The following SOX6 variants were observed in gnomAD, a reference collection of about 807,000 sequenced individuals.
The protein encoded by SOX6 is SRY-box transcription factor 6.
A neutral mutation model predicts 97.8 loss-of-function variants in SOX6; 11 were observed. That is an observed-to-expected ratio of 0.11 (90% CI 0.07 to 0.19). The LOEUF is 0.19. SOX6 is among the 10% of genes least tolerant of loss of function. SOX6 has a pLI of 1.00. For synonymous variants in SOX6, 360 were observed against 371.4 expected (o/e 0.97, Z 0.35); for missense variants, 810 against 1,039.5 (o/e 0.78, Z 3.04).
chr11:16,695,466 T>C (rs1022320998), intron 3 of SOX6, among the ~76,000 whole-genome samples: 2 of 152,142 alleles, frequency 1.3e-5, no homozygotes, highest in African/African-American at 4.8e-5. Context: ...AAAAACAGTA[T>C]TTTCAAACCC....
At chr11:16,251,044 C>T (rs1590064378) in intron 3 of SOX6, among the ~76,000 whole-genome samples, 1 of 151,978 alleles carries the variant, frequency 6.6e-6, no homozygotes, top group Non-Finnish European at 1.5e-5. Context: ...GGGATTAAAA[C>T]AATCTATGGG....
intron 14 of SOX6, among the ~76,000 whole-genome samples, chr11:15,988,508 T>C (rs1853936790): frequency 1.3e-5 from 2 of 152,242 alleles, no homozygotes; most frequent in Admixed American, 1.3e-4. Flanking sequence ...CTCCATGAAT[T>C]TCATACCATT....
At chr11:16,378,886 T>A (rs1349259454) in intron 1 of SOX6, among the ~76,000 whole-genome samples, 3 of 152,122 alleles carry the variant, frequency 2.0e-5, no homozygotes, top group African/African-American at 4.8e-5. Context: ...TCAATAAGAA[T>A]TAATTACCCA....
chr11:16,648,451 C>T (rs1849046224), intron 3 of SOX6, among the ~76,000 whole-genome samples: 1 of 152,108 alleles, frequency 6.6e-6, no homozygotes, highest in African/African-American at 2.4e-5. Context: ...CTCCTGGGAG[C>T]CCATCACCTG....
At chr11:16,063,063 C>T (rs1847996969) in intron 9 of SOX6, among the ~76,000 whole-genome samples, 1 of 151,718 alleles carries the variant, frequency 6.6e-6, no homozygotes, top group Admixed American at 6.6e-5. Context: ...TTGCACCTTT[C>T]AAGCACATAT....
intron 4 of SOX6, among the ~76,000 whole-genome samples, chr11:16,492,093 A>T (rs113476504): frequency 0.015 from 2,299 of 152,322 alleles, 64 homozygotes; most frequent in African/African-American, 0.053. Flanking sequence ...AGATTTTTTA[A>T]ACAAAATATT....
intron 4 of SOX6, among the ~76,000 whole-genome samples, chr11:16,541,991 G>A (rs1178083357): frequency 6.6e-6 from 1 of 152,136 alleles, no homozygotes; most frequent in Non-Finnish European, 1.5e-5. Context: ...TATAAATCAT[G>A]CTACTATTAA....
At chr11:16,415,473 T>A (rs1013401104) in intron 1 of SOX6, among the ~76,000 whole-genome samples, 1 of 152,096 alleles carries the variant, frequency 6.6e-6, no homozygotes, top group Non-Finnish European at 1.5e-5. Flanking sequence ...GAATACTACA[T>A]AGGAGAATCT....
chr11:16,496,023 C>T (rs982645137), intron 4 of SOX6, among the ~76,000 whole-genome samples: 1 of 152,132 alleles, frequency 6.6e-6, no homozygotes, highest in Non-Finnish European at 1.5e-5. Context: ...AATGCATGTA[C>T]CCAGGATCAA....
chr11:16,730,290 T>G (rs1590067591), intron 2 of SOX6, among the ~76,000 whole-genome samples: 1 of 152,018 alleles, frequency 6.6e-6, no homozygotes, highest in South Asian at 2.1e-4. Context: ...CAACAGAACA[T>G]ACATTCTTCT....
chr11:16,268,765 AT>A (rs1291586719), intron 3 of SOX6, among the ~76,000 whole-genome samples: 1 of 150,630 alleles, frequency 6.6e-6, no homozygotes, highest in Admixed American at 6.6e-5. Flanking sequence ...TTGTTTTGAG[AT>A]TTTTTTGTCC....
At chr11:16,143,408 T>C (rs1236529413) in intron 6 of SOX6, among the ~76,000 whole-genome samples, 1 of 152,076 alleles carries the variant, frequency 6.6e-6, no homozygotes, top group East Asian at 1.9e-4. Flanking sequence ...TGCCAAATTG[T>C]AAAGATCATC....
upstream of SOX6, among the ~76,000 whole-genome samples, chr11:16,360,043 A>T (rs1857169803): frequency 1.3e-5 from 2 of 152,202 alleles, no homozygotes; most frequent in African/African-American, 4.8e-5. Flanking sequence ...TTTACACTAT[A>T]CTTCTAATGA....
chr11:16,629,433 G>C (rs1396922563), intron 3 of SOX6, among the ~76,000 whole-genome samples: 1 of 152,148 alleles, frequency 6.6e-6, no homozygotes, highest in Non-Finnish European at 1.5e-5. Context: ...CCTTGCATTT[G>C]AGAAATGAAA....
At chr11:16,508,132 G>A (rs1013741540) in intron 4 of SOX6, among the ~76,000 whole-genome samples, 29 of 152,044 alleles carry the variant, frequency 1.9e-4, no homozygotes, top group African/African-American at 7.0e-4. Flanking sequence ...TCAGCCAACA[G>A]ACATGAAAAA....
chr11:16,116,939 A>T (rs1224435720), intron 6 of SOX6, among the ~76,000 whole-genome samples: 1 of 152,086 alleles, frequency 6.6e-6, no homozygotes, highest in East Asian at 1.9e-4. Context: ...TCATCCTGAA[A>T]CCATCCCCCC....
rs547003319 is a variant in SOX6 at position 16,080,090 on chromosome 11, T to TA, written c.1101+15905dup. Among the ~76,000 whole-genome samples the TA allele has an allele frequency of 7.8e-3, 1,079 of 137,984 alleles. 7 individuals carry two copies. Among genetic ancestry groups the TA allele is most frequent in the Middle Eastern group, 0.011 (3 of 270 alleles). The allele number at this position is 137,984 out of a possible 152,430, so 90.5% of individuals were successfully genotyped here. On this transcript the variant is annotated intron_variant, in intron 9 of 15. Transcript: ENST00000683767. ...TGTACCCTAAAACTTAAAGTATAAT[T>TA]AAAAAAAAAAACATTCTCATCACAC...
intron 3 of SOX6, among the ~76,000 whole-genome samples, chr11:16,675,328 A>C (rs1318221420): frequency 1.3e-5 from 2 of 151,934 alleles, no homozygotes; most frequent in East Asian, 3.9e-4. Context: ...TTTTTAAATT[A>C]TATTTAGGGA....
At chr11:16,394,563 CTTCA>C (rs1320923296) in intron 1 of SOX6, among the ~76,000 whole-genome samples, 2 of 151,868 alleles carry the variant, frequency 1.3e-5, no homozygotes, top group African/African-American at 4.8e-5. Flanking sequence ...CTCAGACTGA[CTTCA>C]TTTTCTTTTT....
Sources: allele counts gnomAD v4.1 joint callset (sites outside exome capture counted in the v4.1 genomes callset), GRCh38; gene constraint gnomAD v4.1.1; transcripts MANE v1.5; gene names NCBI Gene and HGNC (gene_info 2026-07-23, HGNC 2026-07-21).